Variants in PDE3A observed in about 807,000 individuals in gnomAD.
PDE3A encodes the protein cGMP-inhibited 3',5'-cyclic phosphodiesterase 3A.
A neutral mutation model predicts 98.3 loss-of-function variants in PDE3A; 43 were observed. That is an observed-to-expected ratio of 0.44 (90% CI 0.34 to 0.56). The LOEUF is 0.56. Among genes scored for constraint, PDE3A ranks in the 20% least tolerant of loss-of-function variants. The pLI, the probability that PDE3A is intolerant of heterozygous loss-of-function variation, is 0.01. For missense variants in PDE3A, 1,427 were observed against 1,440.7 expected, an observed-to-expected ratio of 0.99 and a Z score of 0.15; for synonymous variants, 663 against 567.9, an observed-to-expected ratio of 1.17 and a Z score of -2.38.
intron 1 of PDE3A, among the ~76,000 whole-genome samples, chr12:20,433,747 A>G (rs565574921): frequency 1.3e-5 from 2 of 152,360 alleles, no homozygotes; most frequent in South Asian, 2.1e-4. Context: ...CTGTAACTAC[A>G]TAGACAAAAT....
intron 1 of PDE3A, among the ~76,000 whole-genome samples, chr12:20,507,489 T>G (rs1288499795): frequency 2.0e-5 from 3 of 152,040 alleles, no homozygotes; most frequent in Non-Finnish European, 2.9e-5. Context: ...GACTGATAAC[T>G]CCTAAGTTCA....
chr12:20,671,041 C>G (rs1432692209), intron 15 of PDE3A, among the ~76,000 whole-genome samples: 10 of 114,026 alleles, frequency 8.8e-5, no homozygotes, highest in Non-Finnish European at 1.4e-4. Flanking sequence ...CACAGAAATA[C>G]GCACTACCAT....
At chr12:20,536,119 G>C (rs1218706039) in intron 1 of PDE3A, among the ~76,000 whole-genome samples, 4 of 152,022 alleles carry the variant, frequency 2.6e-5, no homozygotes, top group Admixed American at 2.6e-4. Flanking sequence ...AAGTCACTAT[G>C]AATAGGAATA....
At chr12:20,508,577 C>T (rs1050667211) in intron 1 of PDE3A, among the ~76,000 whole-genome samples, 2 of 151,886 alleles carry the variant, frequency 1.3e-5, no homozygotes, top group African/African-American at 4.8e-5. Flanking sequence ...TGCAGTATTG[C>T]TTATTTAAAA....
chr12:20,685,484 T>A lies in PDE3A; in HGVS notation c.*5213T>A, dbSNP rs916720797. Among the ~76,000 whole-genome samples the A allele has an allele frequency of 6.6e-6, 1 of 151,510 alleles. No individual in the cohort carries two copies. Among genetic ancestry groups the A allele is most frequent in the Non-Finnish European group, 1.5e-5 (1 of 67,932 alleles). On this transcript the variant is annotated 3_prime_UTR_variant, in exon 16 of 16. Transcript: ENST00000359062. ...CACGAAACTGAAGATAAAGGCTTCA[T>A]TTCCATAGTGGAAATCAGTGTTTAC...
At chr12:20,391,528 A>G (rs185491532) in intron 1 of PDE3A, among the ~76,000 whole-genome samples, 5 of 151,280 alleles carry the variant, frequency 3.3e-5, no homozygotes, top group Non-Finnish European at 3.0e-5. Context: ...ACAATCTTCA[A>G]TGCTTTCACT....
At chr12:20,621,058 C>T (rs1944122838) in intron 4 of PDE3A, among the ~76,000 whole-genome samples, 1 of 152,024 alleles carries the variant, frequency 6.6e-6, no homozygotes, top group Non-Finnish European at 1.5e-5. Flanking sequence ...AGTTATCTTT[C>T]CTCTTTGTTA....
At chr12:20,515,953 C>T (rs111324351) in intron 1 of PDE3A, among the ~76,000 whole-genome samples, 16 of 150,296 alleles carry the variant, frequency 1.1e-4, no homozygotes, top group Middle Eastern at 3.5e-3. Context: ...GGGATGGTCT[C>T]GATCTCCTGA....
At position 20,549,829 on chromosome 12, in the gene PDE3A, C is replaced by T. The variant is rs74064985; in HGVS notation, c.961-6831C>T. Among the ~76,000 whole-genome samples the T allele has an allele frequency of 3.5e-3, 531 of 152,180 alleles. 1 individual carries two copies. The highest frequency in any genetic ancestry group is 0.012 in the African/African-American group (505 of 41,538). ...AATGCTAGGAAATAACTCTCTGATA[C>T]ATAACACACTTGGCAAATTTTACTG... is the stretch of plus-strand genomic sequence containing the variant. On this transcript the variant is annotated intron_variant, in intron 1 of 15. Coordinates refer to ENST00000359062, the MANE Select transcript of PDE3A (RefSeq NM_000921.5).
intron 1 of PDE3A, among the ~76,000 whole-genome samples, chr12:20,536,311 G>C (rs1335251874): frequency 6.6e-6 from 1 of 150,554 alleles, no homozygotes; most frequent in East Asian, 1.9e-4. Flanking sequence ...ATGTTTATCA[G>C]GTTTTCCTCA....
At chr12:20,596,419 T>G (rs1943467551) in intron 2 of PDE3A, among the ~76,000 whole-genome samples, 1 of 152,202 alleles carries the variant, frequency 6.6e-6, no homozygotes, top group African/African-American at 2.4e-5. Flanking sequence ...AGGATAATCA[T>G]ATTTTTTAAT....
At chr12:20,604,068 C>G (rs528793841) in intron 2 of PDE3A, among the ~76,000 whole-genome samples, 184 of 152,112 alleles carry the variant, frequency 1.2e-3, no homozygotes, top group African/African-American at 4.2e-3. Context: ...ATTCGGGAGG[C>G]TGAGGCAGGA....
At chr12:20,671,438 C>G (rs1945479100) in intron 15 of PDE3A, among the ~76,000 whole-genome samples, 1 of 151,476 alleles carries the variant, frequency 6.6e-6, no homozygotes, top group South Asian at 2.1e-4. Flanking sequence ...AACATTGATG[C>G]AAAAATCCTC....
intron 6 of PDE3A, among the ~76,000 whole-genome samples, chr12:20,630,828 T>C (rs929494232): frequency 1.3e-5 from 2 of 152,182 alleles, no homozygotes; most frequent in South Asian, 2.1e-4. Flanking sequence ...AGCATTATGG[T>C]ATTTTTTAAG....
At chr12:20,405,766 T>C (rs1378050604) in intron 1 of PDE3A, among the ~76,000 whole-genome samples, 2 of 152,190 alleles carry the variant, frequency 1.3e-5, no homozygotes, top group Non-Finnish European at 2.9e-5. Context: ...GTCTGCTCTC[T>C]TAGCAAACTT....
chr12:20,687,516 A>G lies in PDE3A; in HGVS notation c.*7245A>G, dbSNP rs570354097. Among the ~76,000 whole-genome samples, 2 of 151,838 alleles carry G rather than the reference A, an allele frequency of 1.3e-5. No individual in the cohort carries two copies. The highest frequency in any genetic ancestry group is 6.6e-5 in the Admixed American group (1 of 15,236). On this transcript the variant is annotated 3_prime_UTR_variant, in exon 16 of 16. Coordinates refer to ENST00000359062, the MANE Select transcript of PDE3A (RefSeq NM_000921.5). ...TGCTTAACTGGTGTTTTTTTCACTT[A>G]TGACTGTCAGTTTATGTCTTAATGT...
At chr12:20,602,851 C>T (rs1400900233) in intron 2 of PDE3A, among the ~76,000 whole-genome samples, 2 of 152,038 alleles carry the variant, frequency 1.3e-5, no homozygotes, top group African/African-American at 4.8e-5. Context: ...TAAAAATTTC[C>T]CAACCAACTT....
chr12:20,487,004 CTTGAA>C (rs1183606042), intron 1 of PDE3A, among the ~76,000 whole-genome samples: 1 of 152,134 alleles, frequency 6.6e-6, no homozygotes, highest in African/African-American at 2.4e-5. Context: ...CAAAGCATTA[CTTGAA>C]TTTTTTTCAT....
At chr12:20,626,149 C>T (rs964273648) in intron 5 of PDE3A, among the ~76,000 whole-genome samples, 1 of 151,660 alleles carries the variant, frequency 6.6e-6, no homozygotes, top group Non-Finnish European at 1.5e-5. Flanking sequence ...TTAAAAACTT[C>T]CAAAGGTTAT....
Sources: allele counts gnomAD v4.1 joint callset (sites outside exome capture counted in the v4.1 genomes callset), GRCh38; gene constraint gnomAD v4.1.1; transcripts MANE v1.5; gene names NCBI Gene and HGNC (gene_info 2026-07-23, HGNC 2026-07-21).